Variants in MACROD2 observed in about 807,000 individuals in gnomAD.
MACROD2 encodes mono-ADP ribosylhydrolase 2, also known as ADP-ribose glycohydrolase MACROD2.
Under a neutral mutation model 70.4 loss-of-function variants are expected in MACROD2, and 36 were observed. The ratio of observed to expected loss-of-function variants is 0.51; its 90% CI spans 0.39 to 0.68. MACROD2 has a LOEUF of 0.68. MACROD2 is among the 30% of genes least tolerant of loss of function. MACROD2 has a pLI of 0.00. For synonymous variants in MACROD2, 172 were observed against 178.8 expected, an observed-to-expected ratio of 0.96 and a Z score of 0.30; for missense variants, 496 against 538.4, an observed-to-expected ratio of 0.92 and a Z score of 0.78.
intron 3 of MACROD2, chr20:14,086,194 TC>T: frequency 2.6e-6 from 1 of 384,956 alleles, no homozygotes; most frequent in Non-Finnish European, 5.2e-6. Flanking sequence ...TTGTTAGGGT[TC>T]CAGTTTTCAT....
chr20:14,978,317 T>C (rs1467493315), intron 5 of MACROD2, among the ~76,000 whole-genome samples: 1 of 152,120 alleles, frequency 6.6e-6, no homozygotes, highest in Non-Finnish European at 1.5e-5. Context: ...CTGTGAAACT[T>C]CTATTAAAGT....
intron 5 of MACROD2, among the ~76,000 whole-genome samples, chr20:14,756,050 AT>A (rs1163283325): frequency 6.6e-6 from 1 of 152,014 alleles, no homozygotes; most frequent in Non-Finnish European, 1.5e-5. Flanking sequence ...GCAGTCTTTC[AT>A]TGTTTCTCTC....
chr20:14,233,473 A>G (rs1433796868), intron 3 of MACROD2, among the ~76,000 whole-genome samples: 1 of 152,002 alleles, frequency 6.6e-6, no homozygotes, highest in East Asian at 1.9e-4. Context: ...TGGGAGGATC[A>G]CGAGGTCAGG....
intron 5 of MACROD2, among the ~76,000 whole-genome samples, chr20:15,112,714 G>A (rs1028042839): frequency 7.9e-5 from 12 of 152,136 alleles, no homozygotes; most frequent in African/African-American, 2.9e-4. Flanking sequence ...TCACACGGTA[G>A]TGCGGCCACC....
chr20:14,935,618 G>C (rs2074334218), intron 5 of MACROD2, among the ~76,000 whole-genome samples: 1 of 152,150 alleles, frequency 6.6e-6, no homozygotes, highest in Non-Finnish European at 1.5e-5. Flanking sequence ...CTAGATTTGG[G>C]AGTGTAGACT....
chr20:14,653,346 G>C (rs976195688), intron 4 of MACROD2, among the ~76,000 whole-genome samples: 3 of 151,830 alleles, frequency 2.0e-5, no homozygotes, highest in Admixed American at 6.6e-5. Context: ...AGCGTCCTGA[G>C]TAGCTGGGAC....
At chr20:15,201,478 A>G (rs975697183) in intron 5 of MACROD2, among the ~76,000 whole-genome samples, 1 of 152,198 alleles carries the variant, frequency 6.6e-6, no homozygotes, top group African/African-American at 2.4e-5. Context: ...CAATGATACA[A>G]ATTGCTTATT....
intron 15 of MACROD2, among the ~76,000 whole-genome samples, chr20:16,029,322 C>T (rs1157189568): frequency 6.6e-6 from 1 of 152,172 alleles, no homozygotes; most frequent in Admixed American, 6.5e-5. Flanking sequence ...GAAAAATATT[C>T]TTGAAACCAG....
At chr20:14,962,306 A>T (rs1035594579) in intron 5 of MACROD2, among the ~76,000 whole-genome samples, 1 of 151,788 alleles carries the variant, frequency 6.6e-6, no homozygotes, top group Non-Finnish European at 1.5e-5. Flanking sequence ...TCAATTTGAC[A>T]TTTTTTTCTA....
chr20:15,150,378 A>G (rs1005013459), intron 5 of MACROD2, among the ~76,000 whole-genome samples: 3 of 152,108 alleles, frequency 2.0e-5, no homozygotes, highest in Non-Finnish European at 4.4e-5. Flanking sequence ...CAGGTTGGGC[A>G]CCACAGGGTG....
intron 3 of MACROD2, among the ~76,000 whole-genome samples, chr20:14,121,783 A>C (rs941811895): frequency 6.6e-6 from 1 of 152,172 alleles, no homozygotes; most frequent in Non-Finnish European, 1.5e-5. Flanking sequence ...TTTTTACGTC[A>C]AATAATAAAG....
intron 2 of MACROD2, among the ~76,000 whole-genome samples, chr20:14,018,605 A>G (rs1413745075): frequency 6.6e-6 from 1 of 152,128 alleles, no homozygotes; most frequent in Admixed American, 6.5e-5. Flanking sequence ...TCTGCTTTTG[A>G]ACCCTCCCAT....
chr20:15,145,044 ACT>A (rs1002520369), intron 5 of MACROD2, among the ~76,000 whole-genome samples: 3 of 152,032 alleles, frequency 2.0e-5, no homozygotes, highest in Non-Finnish European at 2.9e-5. Flanking sequence ...GGAAATCCAA[ACT>A]CTAGCAATGA....
chr20:15,277,695 G>A (rs545180445), intron 6 of MACROD2, among the ~76,000 whole-genome samples: 2 of 152,290 alleles, frequency 1.3e-5, no homozygotes, highest in East Asian at 3.9e-4. Context: ...AAGCAGTCTA[G>A]TATAATATGA....
intron 6 of MACROD2, among the ~76,000 whole-genome samples, chr20:15,364,254 C>T (rs970632282): frequency 3.9e-5 from 6 of 152,206 alleles, no homozygotes; most frequent in African/African-American, 1.4e-4. Flanking sequence ...CCCCTTCCTA[C>T]TTAGTTAAGC....
chr20:14,710,236 A>G (rs1283244888), intron 5 of MACROD2, among the ~76,000 whole-genome samples: 1 of 152,152 alleles, frequency 6.6e-6, no homozygotes, highest in Non-Finnish European at 1.5e-5. Context: ...AATGGACACC[A>G]TAATCAACAG....
At chr20:14,929,698 C>T (rs1365773675) in intron 5 of MACROD2, among the ~76,000 whole-genome samples, 1 of 151,980 alleles carries the variant, frequency 6.6e-6, no homozygotes, top group African/African-American at 2.4e-5. Context: ...GCAAGGGGCT[C>T]CCATCCTCTG....
At chr20:15,921,644 A>C (rs1330906897) in intron 10 of MACROD2, among the ~76,000 whole-genome samples, 7 of 152,154 alleles carry the variant, frequency 4.6e-5, no homozygotes. Context: ...TACAACCTAC[A>C]TTTCCCTTCG....
At chr20:14,461,679 C>T (rs1600261545) in intron 3 of MACROD2, among the ~76,000 whole-genome samples, 2 of 151,304 alleles carry the variant, frequency 1.3e-5, no homozygotes, top group African/African-American at 4.9e-5. Context: ...CAACAGTCCC[C>T]GGTGTGTGAT....
Sources: gnomAD v4.1 joint callset for allele counts (sites outside exome capture counted in the v4.1 genomes callset) on GRCh38, gnomAD v4.1.1 for gene constraint, MANE v1.5 for transcripts, NCBI Gene and HGNC (gene_info 2026-07-23, HGNC 2026-07-21) for gene names.